The following LMO2 variants were observed in gnomAD, a reference collection of about 807,000 sequenced individuals.
The protein encoded by LMO2 is LIM domain only 2, also known as rhombotin-2.
Under a neutral mutation model 23.2 loss-of-function variants are expected in LMO2, and 20 were observed. The observed-to-expected ratio is 0.86, with a 90% CI of 0.61 to 1.25. The LOEUF (loss-of-function observed/expected upper bound fraction) is 1.25, where lower values mean the gene tolerates loss of function less well. LMO2 is among the 50% of genes most tolerant of loss of function. LMO2 has a pLI of 0.00. For synonymous variants in LMO2, 123 were observed against 130.2 expected (o/e 0.94, Z 0.38); for missense variants, 270 against 315.3 (o/e 0.86, Z 1.09).
At chr11:33,868,427 A>G (rs1195126464) in intron 4 of LMO2, among the ~76,000 whole-genome samples, 1 of 152,230 alleles carries the variant, frequency 6.6e-6, no homozygotes, top group African/African-American at 2.4e-5. Context: ...CAAAGGAATA[A>G]AAATTCTCAA....
chr11:33,862,173 A>C (rs1003687729), intron 5 of LMO2, among the ~76,000 whole-genome samples: 9 of 152,308 alleles, frequency 5.9e-5, no homozygotes, highest in African/African-American at 2.2e-4. Flanking sequence ...GAGGAAGCCA[A>C]GCCAAGTTGT....
At chr11:33,870,036 G>T in intron 2 of LMO2, 49 bp from the exon 3 acceptor site, 2 of 759,518 alleles carry the variant, frequency 2.6e-6, no homozygotes, top group Non-Finnish European at 3.2e-6. Flanking sequence ...TAAAGAGACA[G>T]CTGCCCGGTC....
rs1857230718 is a variant in LMO2, at chr11:33,880,167, G to GATACATACACATGATATATATATC, written c.-272+1656_-272+1657insGATATATATATCATGTGTATGTAT. ...TTTATGTGTACATATATATACATAT[G>GATACATACACATGATATATATATC]ATATATACACATGATATATATATCA... is the stretch of plus-strand genomic sequence containing the variant. On this transcript the variant is annotated intron_variant, in intron 2 of 5. Coordinates refer to ENST00000257818, the MANE Select transcript of LMO2 (RefSeq NM_005574.4). The surrounding 1 kb of genome is among the most constrained non-coding windows in gnomAD (Gnocchi z 4.3). Among the ~76,000 whole-genome samples, 17 of 32,600 alleles carry GATACATACACATGATATATATATC rather than the reference G, an allele frequency of 5.2e-4. 4 individuals are homozygous for GATACATACACATGATATATATATC. The highest frequency in any genetic ancestry group is 2.1e-3 in the African/African-American group (17 of 8,186). The allele number at this position is 32,600 out of a possible 152,430, so 21.4% of individuals were successfully genotyped here.
intron 5 of LMO2, among the ~76,000 whole-genome samples, chr11:33,861,138 G>A (rs1049370068): frequency 6.6e-5 from 10 of 152,248 alleles, no homozygotes; most frequent in Admixed American, 3.9e-4. Flanking sequence ...CGCTGGTTAT[G>A]TTTTAACACA....
chr11:33,887,066 G>A lies in LMO2; in HGVS notation c.-336+4729C>T, dbSNP rs1433275537. Among the ~76,000 whole-genome samples, 5 of 152,240 alleles carry A rather than the reference G, an allele frequency of 3.3e-5. No homozygotes were observed. In the East Asian group the frequency reaches 7.7e-4, roughly 23 times the overall value. On this transcript the variant is annotated intron_variant, in intron 1 of 5. Coordinates refer to ENST00000257818, the MANE Select transcript of LMO2 (RefSeq NM_005574.4). Reference sequence around the variant, plus strand: ...AGGATCAGAGGAGCAATCCCACATGGGAATCCATGACTTGGAACCTGGGAC... The same window carrying A: ...AGGATCAGAGGAGCAATCCCACATGAGAATCCATGACTTGGAACCTGGGAC...
At chr11:33,873,369 A>G (rs1307676297) in intron 2 of LMO2, among the ~76,000 whole-genome samples, 1 of 152,230 alleles carries the variant, frequency 6.6e-6, no homozygotes, top group Non-Finnish European at 1.5e-5. Context: ...AATTTCACAC[A>G]CAGTGGTTGT....
At chr11:33,887,562 T>G (rs1172447564) in intron 1 of LMO2, among the ~76,000 whole-genome samples, 2 of 104,872 alleles carry the variant, frequency 1.9e-5, no homozygotes, top group African/African-American at 3.5e-5. Flanking sequence ...TTTTTTTTTT[T>G]GAGACAGGGT....
At chr11:33,866,906 C>G (rs2133694267) in intron 4 of LMO2, among the ~76,000 whole-genome samples, 1 of 152,300 alleles carries the variant, frequency 6.6e-6, no homozygotes, top group South Asian at 2.1e-4. Flanking sequence ...ACTGCCATTT[C>G]CCCTTCTAAT....
chr11:33,862,392 C>T (rs1490486230), intron 5 of LMO2, among the ~76,000 whole-genome samples: 1 of 152,158 alleles, frequency 6.6e-6, no homozygotes, highest in African/African-American at 2.4e-5. Flanking sequence ...CGCCACCCCA[C>T]CACTCCCAGC....
intron 2 of LMO2, chr11:33,881,430 G>C (rs1857281457): frequency 6.6e-6 from 3 of 456,176 alleles, no homozygotes; most frequent in Non-Finnish European, 1.3e-5. Context: ...ACTCCAACAA[G>C]TCATTTCCAT....
At chr11:33,870,388 T>G (rs1020188705) in intron 2 of LMO2, 8 of 985,438 alleles carry the variant, frequency 8.1e-6, no homozygotes, top group Non-Finnish European at 9.6e-6. Flanking sequence ...CGTCCCAGGT[T>G]CGAGGTCCCA....
At position 33,869,507 on chromosome 11, in the gene LMO2, GCCGCTCCTGCGCCT is replaced by G; in HGVS notation, c.73_86del (p.Ser28ArgfsTer56). On this transcript the variant is annotated frameshift_variant, in exon 4 of 6. Transcript: ENST00000257818. LOFTEE classifies it high-confidence loss of function. ...CGCCGCCGCCGCCGCCGCCGTCGCC[GCCGCTCCTGCGCCT>G]CCGCTTGCTCCGGCGCTCCGCCGGC... 1.7e-6 allele frequency: 2 copies of G among 1,205,058 alleles called. No homozygotes were observed. Among genetic ancestry groups the G allele is most frequent in the Non-Finnish European group, 2.1e-6 (2 of 965,932 alleles). The allele number at this position is 1,205,058 out of a possible 1,614,324, so 74.6% of individuals were successfully genotyped here.
At chr11:33,868,410 G>C (rs933642832) in intron 4 of LMO2, among the ~76,000 whole-genome samples, 1 of 152,156 alleles carries the variant, frequency 6.6e-6, no homozygotes, top group Non-Finnish European at 1.5e-5. Context: ...GGATTAGAGG[G>C]GGACTTCAAA....
At chr11:33,876,065 C>T (rs960781976) in intron 2 of LMO2, among the ~76,000 whole-genome samples, 1 of 152,180 alleles carries the variant, frequency 6.6e-6, no homozygotes, top group African/African-American at 2.4e-5. Context: ...AAGGCTTTTG[C>T]ACTTGCCCTT....
chr11:33,872,881 C>A (rs887277175), intron 2 of LMO2, among the ~76,000 whole-genome samples: 7 of 152,138 alleles, frequency 4.6e-5, no homozygotes, highest in African/African-American at 1.7e-4. Flanking sequence ...CCTGCCTCAG[C>A]CTCCCGAGTA....
rs1856713527 is a variant in LMO2 at position 33,864,733 on chromosome 11, G to A, written c.333C>T (p.Phe111=). Residue 111 remains phenylalanine, a synonymous_variant, in exon 5 of 6, where the codon TTC becomes TTT. Transcript: ENST00000257818. This position sits in a 1 kb window ranked among gnomAD's most constrained non-coding sequence, Gnocchi z 4.8. ...GCCAGTACTGGTCGATGGCCTTCAG[G>A]AAGTAGCGGTCCCCAATGTTCTGCT... is the stretch of plus-strand genomic sequence containing the variant. ...GCQQNIGDRY[F]LKAIDQYWHE... 5 of 1,613,916 alleles carry A rather than the reference G, an allele frequency of 3.1e-6. No individual in the cohort carries two copies. The highest frequency in any genetic ancestry group is 1.3e-5 in the African/African-American group (1 of 74,936).
chr11:33,863,637 C>T (rs968784107), intron 5 of LMO2, among the ~76,000 whole-genome samples: 1 of 152,036 alleles, frequency 6.6e-6, no homozygotes, highest in African/African-American at 2.4e-5. Flanking sequence ...GAGACAGTTA[C>T]CTCCACAGCA....
chr11:33,869,597 C>T lies in LMO2; in HGVS notation c.8-11G>A. On this transcript the variant is annotated splice_polypyrimidine_tract_variant and intron_variant, in intron 3 of 5. Coordinates refer to ENST00000257818, the MANE Select transcript of LMO2 (RefSeq NM_005574.4). ...CAGTCACCGCGCTCCCTTCAAACGCCAAAGAGAGAGAGCGAATCACCGGGC... is the reference window on the plus strand; with the variant it reads ...CAGTCACCGCGCTCCCTTCAAACGCTAAAGAGAGAGAGCGAATCACCGGGC... The T allele has an allele frequency of 7.8e-7, 1 of 1,287,382 alleles. No homozygotes were observed. The allele number at this position is 1,287,382 out of a possible 1,614,324, so 79.7% of individuals were successfully genotyped here.
chr11:33,862,993 C>T (rs910462000), intron 5 of LMO2, among the ~76,000 whole-genome samples: 2 of 151,762 alleles, frequency 1.3e-5, no homozygotes, highest in Non-Finnish European at 2.9e-5. Flanking sequence ...ATTAACAAGC[C>T]CAGGCAGCAC....
Sources: allele counts gnomAD v4.1 joint callset (sites outside exome capture counted in the v4.1 genomes callset), GRCh38; gene constraint gnomAD v4.1.1; non-coding constraint Gnocchi (gnomAD v3.1); transcripts MANE v1.5; gene names NCBI Gene and HGNC (gene_info 2026-07-23, HGNC 2026-07-21).